The following CNOT6 variants were observed in gnomAD, a reference collection of about 807,000 sequenced individuals.
CNOT6 encodes carbon catabolite repression 4 protein.
A neutral mutation model predicts 61.2 loss-of-function variants in CNOT6; 12 were observed. The ratio of observed to expected loss-of-function variants is 0.20; its 90% CI spans 0.13 to 0.32. CNOT6 has a LOEUF of 0.32. Among genes scored for constraint, CNOT6 ranks in the 10% least tolerant of loss-of-function variants. The probability of loss-of-function intolerance (pLI) is 1.00; values close to 1 mark genes in which losing one functional copy is unlikely to be tolerated. For missense variants in CNOT6, 405 were observed against 663.9 expected (o/e 0.61, Z 4.28); for synonymous variants, 225 against 240.6 (o/e 0.94, Z 0.60).
At chr5:180,552,123 C>G (rs1759635554) in intron 3 of CNOT6, among the ~76,000 whole-genome samples, 1 of 151,626 alleles carries the variant, frequency 6.6e-6, no homozygotes. Context: ...CCTGCCTCGG[C>G]CTCCCAAAGT....
At chr5:180,505,790 C>T (rs1757111583) in intron 1 of CNOT6, among the ~76,000 whole-genome samples, 1 of 151,954 alleles carries the variant, frequency 6.6e-6, no homozygotes, top group Non-Finnish European at 1.5e-5. Flanking sequence ...CCTTGTGATC[C>T]GCCTGCCTTG....
chr5:180,504,120 C>G (rs775334828), intron 1 of CNOT6, among the ~76,000 whole-genome samples: 13 of 152,172 alleles, frequency 8.5e-5, no homozygotes, highest in Non-Finnish European at 1.8e-4. Flanking sequence ...CAAGAGTCCA[C>G]ATAAGAGTAC....
chr5:180,556,309 G>C (rs547075780), intron 4 of CNOT6, among the ~76,000 whole-genome samples: 1 of 152,148 alleles, frequency 6.6e-6, no homozygotes, highest in East Asian at 1.9e-4. Flanking sequence ...CAGAGGGTGC[G>C]CAGTTTCATT....
chr5:180,536,239 T>G lies in CNOT6; in HGVS notation c.112+6851T>G, dbSNP rs191356821. Among the ~76,000 whole-genome samples the G allele has an allele frequency of 1.3e-3, 201 of 152,070 alleles. 9 individuals are homozygous for G. The East Asian group carries it at 0.038, about 29-fold the overall frequency. ...TGGTCTCGATCTGCTGACCTTGTGA[T>G]CCGCCTGCCTTGGCCTCCCAAAGTG... On this transcript the variant is annotated intron_variant, in intron 2 of 11. Transcript: ENST00000261951.
intron 1 of CNOT6, among the ~76,000 whole-genome samples, chr5:180,509,828 G>GTTTTT (rs10707986): frequency 8.3e-6 from 1 of 120,838 alleles, no homozygotes; most frequent in Non-Finnish European, 1.8e-5. Context: ...ATACCTTGGT[G>GTTTTT]TTTTTTTTTT....
intron 2 of CNOT6, among the ~76,000 whole-genome samples, chr5:180,544,668 A>G (rs1328053782): frequency 1.3e-5 from 2 of 152,208 alleles, no homozygotes; most frequent in Non-Finnish European, 2.9e-5. Context: ...AAAAGGAGCT[A>G]TACAAATTGG....
intron 2 of CNOT6, among the ~76,000 whole-genome samples, chr5:180,531,288 G>A (rs1432838044): frequency 1.3e-5 from 2 of 151,090 alleles, no homozygotes; most frequent in Non-Finnish European, 2.9e-5. Flanking sequence ...GGTCAGAGAC[G>A]CTTCTCACCT....
chr5:180,544,596 C>T (rs1332192421), intron 2 of CNOT6, among the ~76,000 whole-genome samples: 1 of 152,138 alleles, frequency 6.6e-6, no homozygotes, highest in Non-Finnish European at 1.5e-5. Flanking sequence ...TGGCTACCTT[C>T]TACCTTCTTG....
At chr5:180,527,084 G>T (rs1758135309) in intron 1 of CNOT6, among the ~76,000 whole-genome samples, 2 of 152,016 alleles carry the variant, frequency 1.3e-5, no homozygotes, top group African/African-American at 4.8e-5. Flanking sequence ...GCCCAGGGTG[G>T]TGCTGGTCTC....
chr5:180,503,257 T>C (rs1756961152), intron 1 of CNOT6, among the ~76,000 whole-genome samples: 1 of 142,812 alleles, frequency 7.0e-6, no homozygotes, highest in Non-Finnish European at 1.6e-5. Flanking sequence ...CTAGTTTGTA[T>C]TTTTCTTTTT....
At chr5:180,563,933 AT>A (rs35159864) in intron 4 of CNOT6, among the ~76,000 whole-genome samples, 58 of 152,056 alleles carry the variant, frequency 3.8e-4, no homozygotes, top group Non-Finnish European at 7.1e-4. Context: ...TGGCCCTGGG[AT>A]TTTTTCCCCC....
At position 180,510,134 on chromosome 5, in the gene CNOT6, C is replaced by CTTTTTTT. The variant is rs56899929; in HGVS notation, c.-3+15400_-3+15406dup. Among the ~76,000 whole-genome samples the CTTTTTTT allele has an allele frequency of 3.7e-3, 137 of 37,382 alleles. 14 individuals are homozygous for CTTTTTTT. The highest frequency in any genetic ancestry group is 6.9e-3 in the East Asian group (6 of 872). The allele number at this position is 37,382 out of a possible 152,430, so 24.5% of individuals were successfully genotyped here. Reference sequence around the variant, plus strand: ...TAAATGAGGTTTATCGTCTGTAAACCTTTTTTTTTTTTTTTTTTTTTTTTT... The same window carrying CTTTTTTT: ...TAAATGAGGTTTATCGTCTGTAAACCTTTTTTTTTTTTTTTTTTTTTTTTTTTTTTTT... On this transcript the variant is annotated intron_variant, in intron 1 of 11. Coordinates refer to ENST00000261951, the MANE Select transcript of CNOT6 (RefSeq NM_001370472.1).
intron 2 of CNOT6, among the ~76,000 whole-genome samples, chr5:180,531,318 G>A (rs113327782): frequency 0.089 from 13,389 of 150,398 alleles, 739 homozygotes; most frequent in East Asian, 0.25. Context: ...GGTAGCGGTC[G>A]GGCAGAGACA....
At chr5:180,573,598 TGTGTCCGTCC>T (rs754975974) in intron 11 of CNOT6, among the ~76,000 whole-genome samples, 4 of 41,364 alleles carry the variant, frequency 9.7e-5, no homozygotes, top group East Asian at 1.4e-3. Flanking sequence ...TGTGTGTGTG[TGTGTCCGTCC>T]GTCCGTCCGT....
chr5:180,554,501 A>G (rs1180563060), intron 4 of CNOT6, among the ~76,000 whole-genome samples: 8 of 140,050 alleles, frequency 5.7e-5, no homozygotes, highest in South Asian at 2.3e-4. Context: ...AATATTTTAT[A>G]TATCATAAAA....
At chr5:180,543,766 T>C (rs1759162630) in intron 2 of CNOT6, among the ~76,000 whole-genome samples, 1 of 152,234 alleles carries the variant, frequency 6.6e-6, no homozygotes, top group South Asian at 2.1e-4. Context: ...TTTATTTTGC[T>C]ATCGTAAACA....
intron 4 of CNOT6, among the ~76,000 whole-genome samples, chr5:180,558,107 C>T: frequency 6.6e-6 from 1 of 152,176 alleles, no homozygotes; most frequent in East Asian, 1.9e-4. Context: ...AGTTCTGAGG[C>T]CCCAGGAAGG....
At chr5:180,563,265 G>A (rs1760279840) in intron 4 of CNOT6, among the ~76,000 whole-genome samples, 1 of 151,008 alleles carries the variant, frequency 6.6e-6, no homozygotes, top group Admixed American at 6.6e-5. Context: ...GCCCAGGCTG[G>A]AGTGCAGTGG....
chr5:180,538,766 C>G (rs929671582), intron 2 of CNOT6, among the ~76,000 whole-genome samples: 1 of 149,592 alleles, frequency 6.7e-6, no homozygotes, highest in African/African-American at 2.5e-5. Context: ...CCCAGCTACC[C>G]AAGAGGCTGA....
Sources: allele counts gnomAD v4.1 joint callset (sites outside exome capture counted in the v4.1 genomes callset), GRCh38; gene constraint gnomAD v4.1.1; transcripts MANE v1.5; gene names NCBI Gene and HGNC (gene_info 2026-07-23, HGNC 2026-07-21).